ADAMTS3: variants seen among roughly 807,000 people sequenced by gnomAD.
ADAMTS3 encodes A disintegrin and metalloproteinase with thrombospondin motifs 3.
In ADAMTS3, 73 loss-of-function variants were observed where a neutral mutation model predicts 129.0. That is an observed-to-expected ratio of 0.57 (90% CI 0.47 to 0.69). The LOEUF is 0.69. ADAMTS3 is among the 30% of genes least tolerant of loss of function. The probability of loss-of-function intolerance (pLI) is 0.00; values close to 1 mark genes in which losing one functional copy is unlikely to be tolerated. For missense variants in ADAMTS3, 1,457 were observed against 1,514.5 expected (o/e 0.96, Z 0.63); for synonymous variants, 477 against 510.8 (o/e 0.93, Z 0.89).
At chr4:72,542,143 T>G (rs1248948822) in intron 3 of ADAMTS3, among the ~76,000 whole-genome samples, 2 of 147,384 alleles carry the variant, frequency 1.4e-5, no homozygotes, top group African/African-American at 2.6e-5. Context: ...AAACAAATGT[T>G]AACTATTGTT....
intron 6 of ADAMTS3, among the ~76,000 whole-genome samples, chr4:72,321,318 C>A (rs1248418429): frequency 6.6e-6 from 1 of 151,470 alleles, no homozygotes; most frequent in East Asian, 2.0e-4. Context: ...ATTACAGGCG[C>A]CCACCACCAT....
At chr4:72,465,827 A>G (rs938028925) in intron 3 of ADAMTS3, among the ~76,000 whole-genome samples, 3 of 151,940 alleles carry the variant, frequency 2.0e-5, no homozygotes, top group South Asian at 2.1e-4. Flanking sequence ...TACTGTTCTC[A>G]TGGTAGTGAA....
At chr4:72,524,445 T>C (rs1333268265) in intron 3 of ADAMTS3, among the ~76,000 whole-genome samples, 2 of 152,076 alleles carry the variant, frequency 1.3e-5, no homozygotes, top group South Asian at 2.1e-4. Flanking sequence ...CAGCTAAAAA[T>C]AATAATAATA....
intron 3 of ADAMTS3, among the ~76,000 whole-genome samples, chr4:72,539,491 GAAAAAA>G (rs71215438): frequency 1.0e-4 from 9 of 86,614 alleles, no homozygotes; most frequent in African/African-American, 3.8e-4. Flanking sequence ...GCTACTATCA[GAAAAAA>G]AAAAAAAAAA....
At chr4:72,475,946 T>A (rs1356995174) in intron 3 of ADAMTS3, among the ~76,000 whole-genome samples, 1 of 151,714 alleles carries the variant, frequency 6.6e-6, no homozygotes, top group Non-Finnish European at 1.5e-5. Flanking sequence ...ATACAACATA[T>A]CAAAATTTGT....
chr4:72,566,307 A>G (rs891218098), intron 2 of ADAMTS3, among the ~76,000 whole-genome samples: 2 of 152,184 alleles, frequency 1.3e-5, no homozygotes, highest in African/African-American at 4.8e-5. Context: ...ACAAGTGTGA[A>G]TCTCCACTGT....
At chr4:72,357,892 G>A (rs1171035842) in intron 4 of ADAMTS3, among the ~76,000 whole-genome samples, 3 of 151,900 alleles carry the variant, frequency 2.0e-5, no homozygotes, top group Non-Finnish European at 4.4e-5. Flanking sequence ...TTTGATACAT[G>A]AGGATAGAAA....
rs1288853682 is a variant in ADAMTS3, at chr4:72,387,619, C to T, written c.661+27196G>A. 2.0e-5 allele frequency among the ~76,000 whole-genome samples: 3 copies of T among 152,130 alleles called. No homozygotes were observed. In the South Asian group the frequency reaches 6.2e-4, roughly 32 times the overall value. ...TGGGGCTATCCTGAGTGAGCCTTAT[C>T]TCACTCTAGATATGGGGCACAAGGC... On this transcript the variant is annotated intron_variant, in intron 4 of 21. Transcript: ENST00000286657.
intron 5 of ADAMTS3, among the ~76,000 whole-genome samples, chr4:72,334,615 TG>T (rs542623579): frequency 4.7e-4 from 72 of 152,244 alleles, no homozygotes; most frequent in Non-Finnish European, 8.7e-4. Flanking sequence ...TCATGCTTAT[TG>T]GAATATTGCC....
chr4:72,332,374 T>C (rs1719873407), intron 5 of ADAMTS3, among the ~76,000 whole-genome samples: 1 of 152,180 alleles, frequency 6.6e-6, no homozygotes, highest in South Asian at 2.1e-4. Flanking sequence ...TCTTTACAAA[T>C]ATTGGTTAGG....
intron 4 of ADAMTS3, among the ~76,000 whole-genome samples, chr4:72,386,723 C>A (rs1294257016): frequency 1.3e-5 from 2 of 152,102 alleles, no homozygotes; most frequent in African/African-American, 4.8e-5. Flanking sequence ...CACTCTACAT[C>A]TATTGAGTGT....
intron 3 of ADAMTS3, among the ~76,000 whole-genome samples, chr4:72,431,058 A>C (rs1560513013): frequency 6.6e-6 from 1 of 151,988 alleles, no homozygotes; most frequent in South Asian, 2.1e-4. Flanking sequence ...ACTTATTAGA[A>C]CAACCATGGA....
chr4:72,518,436 G>A (rs1720558572), intron 3 of ADAMTS3, among the ~76,000 whole-genome samples: 2 of 152,144 alleles, frequency 1.3e-5, no homozygotes, highest in African/African-American at 4.8e-5. Flanking sequence ...TGACAGCGGG[G>A]TGTTAAAGTC....
chr4:72,565,672 T>G (rs1722004850), intron 2 of ADAMTS3, among the ~76,000 whole-genome samples: 1 of 152,198 alleles, frequency 6.6e-6, no homozygotes, highest in African/African-American at 2.4e-5. Context: ...AAGTAAATCT[T>G]CAGCACTACA....
chr4:72,530,709 ATT>A (rs1470528857), intron 3 of ADAMTS3, among the ~76,000 whole-genome samples: 3 of 93,446 alleles, frequency 3.2e-5, no homozygotes, highest in Admixed American at 1.9e-4. Context: ...TATATTATAT[ATT>A]ATATATAATA....
chr4:72,420,111 T>A (rs1334502832), intron 3 of ADAMTS3, among the ~76,000 whole-genome samples: 1 of 152,084 alleles, frequency 6.6e-6, no homozygotes, highest in Non-Finnish European at 1.5e-5. Flanking sequence ...GCTCCTCTAT[T>A]CAAAACTTTC....
In ADAMTS3 at chr4:72,344,729, C is replaced by T. The variant is rs529199985; in HGVS notation, c.662-5036G>A. 1.1e-3 allele frequency among the ~76,000 whole-genome samples: 165 copies of T among 152,128 alleles called. 1 individual carries two copies. Among genetic ancestry groups the T allele is most frequent in the African/African-American group, 3.9e-3 (160 of 41,528 alleles). ...ATCACCCAATATTCCTTTCTGCTGCCTAGAATGTGGACATGATGTCAGCAG... is the reference window on the plus strand; with the variant it reads ...ATCACCCAATATTCCTTTCTGCTGCTTAGAATGTGGACATGATGTCAGCAG... On this transcript the variant is annotated intron_variant, in intron 4 of 21. Coordinates refer to ENST00000286657, the MANE Select transcript of ADAMTS3 (RefSeq NM_014243.3).
At chr4:72,353,077 T>C (rs1444685496) in intron 4 of ADAMTS3, among the ~76,000 whole-genome samples, 1 of 149,748 alleles carries the variant, frequency 6.7e-6, no homozygotes, top group Non-Finnish European at 1.5e-5. Context: ...GGTCATTCTG[T>C]TTATGGGCCT....
chr4:72,345,125 A>G (rs76132662), intron 4 of ADAMTS3, among the ~76,000 whole-genome samples: 3,693 of 152,250 alleles, frequency 0.024, 153 homozygotes, highest in African/African-American at 0.084. Flanking sequence ...TCTGTAGTGC[A>G]TCATTTCAGA....
Sources: gnomAD v4.1 joint callset for allele counts (sites outside exome capture counted in the v4.1 genomes callset) on GRCh38, gnomAD v4.1.1 for gene constraint, MANE v1.5 for transcripts, NCBI Gene and HGNC (gene_info 2026-07-23, HGNC 2026-07-21) for gene names.